Variants in SORCS2 observed in about 807,000 individuals in gnomAD.
The protein encoded by SORCS2 is VPS10 domain-containing receptor SorCS2.
In SORCS2, 100 loss-of-function variants were observed where a neutral mutation model predicts 141.6. That is an observed-to-expected ratio of 0.71 (90% CI 0.60 to 0.83). SORCS2 has a LOEUF of 0.83. Ranked by LOEUF, SORCS2 falls within the 40% of genes least tolerant of loss-of-function variation. SORCS2 has a pLI of 0.00. For synonymous variants in SORCS2, 789 were observed against 676.9 expected (o/e 1.17, Z -2.57); for missense variants, 1,646 against 1,560.2 (o/e 1.05, Z -0.93).
At chr4:7,280,753 T>C (rs6840893) in intron 1 of SORCS2, among the ~76,000 whole-genome samples, 41,761 of 152,082 alleles carry the variant, frequency 0.27, 6,033 homozygotes, top group African/African-American at 0.29. Context: ...TTTTGTAAAA[T>C]ACAGAGATGA....
At position 7,527,212 on chromosome 4, in the gene SORCS2, C is replaced by T. The variant is rs117489227; in HGVS notation, c.549-4318C>T. Among the ~76,000 whole-genome samples, 487 of 152,374 alleles carry T rather than the reference C, an allele frequency of 3.2e-3. 15 individuals carry two copies. In the East Asian group the frequency reaches 0.058, roughly 18 times the overall value. On this transcript the variant is annotated intron_variant, in intron 2 of 26. Coordinates refer to ENST00000507866, the MANE Select transcript of SORCS2 (RefSeq NM_020777.3). ...ACCTCGGACCCGGCTCAAATGCCCACTTGTGGTCGGCAGAGCAATGCCTCC... is the reference window on the plus strand; with the variant it reads ...ACCTCGGACCCGGCTCAAATGCCCATTTGTGGTCGGCAGAGCAATGCCTCC...
chr4:7,216,785 C>A (rs1165507320), intron 1 of SORCS2, among the ~76,000 whole-genome samples: 1 of 152,174 alleles, frequency 6.6e-6, no homozygotes, highest in Non-Finnish European at 1.5e-5. Flanking sequence ...CAAGGGAACC[C>A]ATGCACAGGT....
intron 2 of SORCS2, among the ~76,000 whole-genome samples, chr4:7,511,637 C>T (rs146544033): frequency 5.2e-4 from 79 of 152,216 alleles, no homozygotes; most frequent in African/African-American, 1.8e-3. Flanking sequence ...CTGGGCGTGG[C>T]CCCGTGAAGG....
At chr4:7,375,442 C>T (rs1372025331) in intron 1 of SORCS2, among the ~76,000 whole-genome samples, 1 of 152,182 alleles carries the variant, frequency 6.6e-6, no homozygotes, top group African/African-American at 2.4e-5. Flanking sequence ...CGTTGCGGGG[C>T]CATCAGCAGG....
intron 3 of SORCS2, among the ~76,000 whole-genome samples, chr4:7,600,979 G>A (rs564271759): frequency 1.4e-4 from 22 of 152,274 alleles, no homozygotes; most frequent in African/African-American, 4.6e-4. Context: ...TCCATCTCCC[G>A]GGTTCAAGTG....
At chr4:7,284,305 G>C in intron 1 of SORCS2, among the ~76,000 whole-genome samples, 1 of 151,364 alleles carries the variant, frequency 6.6e-6, no homozygotes, top group East Asian at 2.0e-4. Flanking sequence ...GGGGTCAGAC[G>C]GTCTGTGTTC....
intron 15 of SORCS2, 76 bp downstream of exon 15, chr4:7,712,929 C>A: frequency 6.3e-7 from 1 of 1,575,226 alleles, no homozygotes; most frequent in Non-Finnish European, 8.6e-7. Context: ...CTGCCAAAGT[C>A]CTCCCCTGCA....
intron 10 of SORCS2, among the ~76,000 whole-genome samples, chr4:7,685,684 AATAAAT>A (rs1316408829): frequency 2.7e-5 from 3 of 110,424 alleles, no homozygotes; most frequent in African/African-American, 1.0e-4. Flanking sequence ...AATTAAAATA[AATAAAT>A]ATATATATAT....
At position 7,587,050 on chromosome 4, in the gene SORCS2, C is replaced by T. The variant is rs147828880; in HGVS notation, c.649-51278C>T. On this transcript the variant is annotated intron_variant, in intron 3 of 26. Coordinates refer to ENST00000507866, the MANE Select transcript of SORCS2 (RefSeq NM_020777.3). ...GAATGACCTCTTAGCTACAGATGATCGGAGATGGGCGGGGCTGCCCTGGGA... is the reference window on the plus strand; with the variant it reads ...GAATGACCTCTTAGCTACAGATGATTGGAGATGGGCGGGGCTGCCCTGGGA... Among the ~76,000 whole-genome samples, 431 of 152,020 alleles carry T rather than the reference C, an allele frequency of 2.8e-3. 1 individual carries two copies. The highest frequency in any genetic ancestry group is 9.6e-3 in the African/African-American group (400 of 41,460).
intron 2 of SORCS2, among the ~76,000 whole-genome samples, chr4:7,472,736 G>C (rs956408279): frequency 6.6e-6 from 1 of 152,166 alleles, no homozygotes; most frequent in African/African-American, 2.4e-5. Flanking sequence ...ACGAGGCTCC[G>C]CTGAGACTGG....
At chr4:7,206,244 G>A (rs1483489045) in intron 1 of SORCS2, among the ~76,000 whole-genome samples, 1 of 152,100 alleles carries the variant, frequency 6.6e-6, no homozygotes, top group Non-Finnish European at 1.5e-5. Context: ...CCCACTAAGG[G>A]TATGGACTCC....
At chr4:7,360,748 A>G (rs986001426) in intron 1 of SORCS2, among the ~76,000 whole-genome samples, 4 of 150,522 alleles carry the variant, frequency 2.7e-5, no homozygotes, top group Non-Finnish European at 5.9e-5. Flanking sequence ...ACACTTGGCT[A>G]ATTTTTGTAT....
chr4:7,408,405 A>C (rs1030219203), intron 2 of SORCS2, among the ~76,000 whole-genome samples: 1 of 150,796 alleles, frequency 6.6e-6, no homozygotes, highest in Non-Finnish European at 1.5e-5. Flanking sequence ...TTCTTTTAGC[A>C]CTTTGAAAAT....
intron 2 of SORCS2, among the ~76,000 whole-genome samples, chr4:7,507,828 T>C (rs1016768636): frequency 2.3e-4 from 35 of 152,172 alleles, no homozygotes; most frequent in African/African-American, 8.0e-4. Context: ...GTTCGAGCCA[T>C]GCGCCAAAAT....
intron 2 of SORCS2, among the ~76,000 whole-genome samples, chr4:7,440,588 G>C (rs1322940022): frequency 6.6e-6 from 1 of 152,238 alleles, no homozygotes; most frequent in Non-Finnish European, 1.5e-5. Context: ...CTGAAGCCCA[G>C]TGGGGCTTGC....
Position 7,424,768 on chromosome 4 carries a change from G to A in SORCS2, c.548+28413G>A, listed in dbSNP as rs1285918905. On this transcript the variant is annotated intron_variant, in intron 2 of 26. Transcript: ENST00000507866. ...TGTTCTGCATGGGAGATCTCCTTAA[G>A]CCCTCCCTACCATGCCTTCAGCACA... Among the ~76,000 whole-genome samples the A allele has an allele frequency of 4.6e-5, 7 of 152,188 alleles. No individual in the cohort carries two copies. The East Asian group carries it at 1.4e-3, about 29-fold the overall frequency.
At chr4:7,609,492 C>T (rs1718269138) in intron 3 of SORCS2, among the ~76,000 whole-genome samples, 1 of 152,184 alleles carries the variant, frequency 6.6e-6, no homozygotes, top group African/African-American at 2.4e-5. Context: ...CCTCTGTGAC[C>T]TCCCCCGTCC....
intron 3 of SORCS2, among the ~76,000 whole-genome samples, chr4:7,538,363 G>C (rs963421098): frequency 6.6e-6 from 1 of 152,104 alleles, no homozygotes. Context: ...GGGCCCTGAC[G>C]ACCCCCACAC....
rs567611598 is a variant in SORCS2, at chr4:7,370,998, C to T, written c.481-25290C>T. Among the ~76,000 whole-genome samples the T allele has an allele frequency of 5.9e-5, 9 of 152,346 alleles. No individual in the cohort carries two copies. In the East Asian group the frequency reaches 1.7e-3, roughly 29 times the overall value. On this transcript the variant is annotated intron_variant, in intron 1 of 26. Transcript: ENST00000507866. ...TAATGTGGGTCCCTGCTGGGCCCCA[C>T]AGCACGGGGTACGATCTTGCCTTTC...
Sources: allele counts gnomAD v4.1 joint callset (sites outside exome capture counted in the v4.1 genomes callset), GRCh38; gene constraint gnomAD v4.1.1; transcripts MANE v1.5; gene names NCBI Gene and HGNC (gene_info 2026-07-23, HGNC 2026-07-21).